GPHN: variants seen among roughly 807,000 people sequenced by gnomAD.
GPHN encodes gephyrin.
Under a neutral mutation model 95.5 loss-of-function variants are expected in GPHN, and 17 were observed. That is an observed-to-expected ratio of 0.18 (90% CI 0.12 to 0.27). The LOEUF is 0.27. Among genes scored for constraint, GPHN ranks in the 10% least tolerant of loss-of-function variants. The pLI is 1.00. For synonymous variants in GPHN, 320 were observed against 322.5 expected, an observed-to-expected ratio of 0.99 and a Z score of 0.08; for missense variants, 660 against 978.1, an observed-to-expected ratio of 0.67 and a Z score of 4.34.
At chr14:67,076,444 C>T (rs2076495640) in intron 11 of GPHN, among the ~76,000 whole-genome samples, 1 of 152,032 alleles carries the variant, frequency 6.6e-6, no homozygotes, top group Non-Finnish European at 1.5e-5. Context: ...TAAAGTATCC[C>T]TGTAATTCAC....
At chr14:67,708,223 A>G in the GPHN span, among the ~76,000 whole-genome samples, 1 of 152,214 alleles carries the variant, frequency 6.6e-6, no homozygotes, top group Non-Finnish European at 1.5e-5. Context: ...ACTCTGAAAA[A>G]CAAAAAAAAG....
chr14:67,661,630 T>A, the GPHN span, among the ~76,000 whole-genome samples: 3 of 149,830 alleles, frequency 2.0e-5, no homozygotes, highest in Non-Finnish European at 3.0e-5. Flanking sequence ...CCTCCCAGGC[T>A]GAAGTGATCT....
chr14:66,833,836 A>G (rs1008683125), intron 4 of GPHN, among the ~76,000 whole-genome samples: 3 of 152,210 alleles, frequency 2.0e-5, no homozygotes, highest in Non-Finnish European at 4.4e-5. Context: ...CAATCGGAAT[A>G]TGTAATCATA....
intron 1 of GPHN, among the ~76,000 whole-genome samples, chr14:66,580,023 T>C (rs1321847339): frequency 6.6e-6 from 1 of 151,836 alleles, no homozygotes; most frequent in Non-Finnish European, 1.5e-5. Flanking sequence ...ATCAAGTATC[T>C]TTTTTAACCA....
At chr14:66,782,834 AAAAC>A (rs1410113721) in intron 3 of GPHN, among the ~76,000 whole-genome samples, 10 of 152,262 alleles carry the variant, frequency 6.6e-5, no homozygotes, top group Admixed American at 2.6e-4. Flanking sequence ...CTCCATCTCA[AAAAC>A]AAACAAACAA....
chr14:66,784,400 G>T (rs72728644), intron 3 of GPHN, among the ~76,000 whole-genome samples: 3,681 of 152,266 alleles, frequency 0.024, 69 homozygotes, highest in Non-Finnish European at 0.036. Context: ...CACTCTGAAA[G>T]AGTGGCTAAA....
chr14:66,795,162 A>G (rs2060112126), intron 3 of GPHN, among the ~76,000 whole-genome samples: 1 of 152,232 alleles, frequency 6.6e-6, no homozygotes, highest in Admixed American at 6.5e-5. Context: ...TTATATCTGC[A>G]TATTTGAATT....
At chr14:67,515,825 A>T in the GPHN span, among the ~76,000 whole-genome samples, 3 of 550 alleles carry the variant, frequency 5.5e-3, no homozygotes, top group African/African-American at 0.025. Flanking sequence ...ACTATGTGCC[A>T]GCACTGTGGA....
chr14:66,545,739 A>G (rs1594901984), intron 1 of GPHN, among the ~76,000 whole-genome samples: 1 of 114,666 alleles, frequency 8.7e-6, no homozygotes, highest in South Asian at 3.0e-4. Flanking sequence ...CGGGGGGCTG[A>G]CCCCCCCACC....
At chr14:67,649,220 A>G in the GPHN span, 1 of 152,028 alleles carries the variant, frequency 6.6e-6, no homozygotes, top group African/African-American at 2.4e-5. Context: ...ACAATATTTT[A>G]CTCCAAAAGA....
chr14:67,674,351 C>A, the GPHN span: 4 of 1,564,250 alleles, frequency 2.6e-6, no homozygotes, highest in Non-Finnish European at 3.5e-6. Flanking sequence ...GCGCTCCCCA[C>A]GGCGTGGCCC....
At chr14:66,829,880 C>T (rs772715777) in intron 4 of GPHN, among the ~76,000 whole-genome samples, 1 of 152,076 alleles carries the variant, frequency 6.6e-6, no homozygotes, top group Non-Finnish European at 1.5e-5. Context: ...CAAATCCAGC[C>T]TGTCACCTTT....
intron 21 of GPHN, among the ~76,000 whole-genome samples, chr14:67,169,575 A>G (rs2082479661): frequency 6.6e-6 from 1 of 152,210 alleles, no homozygotes; most frequent in African/African-American, 2.4e-5. Context: ...TCACCTGGAA[A>G]TTAGGTCTCC....
chr14:67,378,128 A>G, the GPHN span, among the ~76,000 whole-genome samples: 1 of 151,318 alleles, frequency 6.6e-6, no homozygotes, highest in Non-Finnish European at 1.5e-5. Flanking sequence ...GTCTCTTAAA[A>G]AAAAAAAAAA....
intron 4 of GPHN, among the ~76,000 whole-genome samples, chr14:66,845,819 C>CTGTGTGTGTGTGTGTGTGTGTGTGTG (rs367997271): frequency 1.4e-5 from 2 of 143,300 alleles, no homozygotes; most frequent in African/African-American, 5.1e-5. Context: ...ATACATGCCT[C>CTGTGTGTGTGTGTGTGTGTGTGTGTG]TGTGTGTGTG....
chr14:66,671,198 A>G (rs1339640644), intron 1 of GPHN, among the ~76,000 whole-genome samples: 2 of 152,184 alleles, frequency 1.3e-5, no homozygotes, highest in East Asian at 3.8e-4. Context: ...TGGCATATTA[A>G]TCATTTGGAA....
At chr14:67,311,310 C>CAAAAA in the GPHN span, among the ~76,000 whole-genome samples, 1 of 63,936 alleles carries the variant, frequency 1.6e-5, no homozygotes, top group Non-Finnish European at 3.8e-5. Flanking sequence ...GACTCCGTCT[C>CAAAAA]AAAAAAAAAA....
At chr14:66,543,419 C>G (rs2059422161) in intron 1 of GPHN, among the ~76,000 whole-genome samples, 1 of 152,102 alleles carries the variant, frequency 6.6e-6, no homozygotes. Flanking sequence ...GGATGTTATA[C>G]TTTAAAAAAA....
chr14:66,608,002 CT>C (rs2062618469), intron 1 of GPHN, among the ~76,000 whole-genome samples: 1 of 145,444 alleles, frequency 6.9e-6, no homozygotes, highest in Non-Finnish European at 1.5e-5. Flanking sequence ...TAATTCAGTT[CT>C]GATCTTAATT....
Sources: gnomAD v4.1 joint callset for allele counts (sites outside exome capture counted in the v4.1 genomes callset) on GRCh38, gnomAD v4.1.1 for gene constraint, MANE v1.5 for transcripts, NCBI Gene and HGNC (gene_info 2026-07-23, HGNC 2026-07-21) for gene names.